Variants in SORCS2 observed in about 807,000 individuals in gnomAD.
The protein encoded by SORCS2 is sortilin related VPS10 domain containing receptor 2, also known as VPS10 domain-containing receptor SorCS2.
SORCS2 carries 100 observed loss-of-function variants against 141.6 expected under a neutral mutation model. The ratio of observed to expected loss-of-function variants is 0.71; its 90% CI spans 0.60 to 0.83. The LOEUF (loss-of-function observed/expected upper bound fraction) is 0.83, where lower values mean the gene tolerates loss of function less well. SORCS2 is among the 40% of genes least tolerant of loss of function. The pLI is 0.00. For synonymous variants in SORCS2, 789 were observed against 676.9 expected (o/e 1.17, Z -2.57); for missense variants, 1,646 against 1,560.2 (o/e 1.05, Z -0.93).
chr4:7,588,526 G>C (rs1177445721), intron 3 of SORCS2, among the ~76,000 whole-genome samples: 1 of 152,208 alleles, frequency 6.6e-6, no homozygotes, highest in Non-Finnish European at 1.5e-5. Flanking sequence ...TGAATCTGCT[G>C]AATGGCACTT....
chr4:7,427,528 C>T (rs1726533396), intron 2 of SORCS2, among the ~76,000 whole-genome samples: 1 of 152,198 alleles, frequency 6.6e-6, no homozygotes, highest in Non-Finnish European at 1.5e-5. Flanking sequence ...TTGGAGCATA[C>T]TTCCTCCTGC....
intron 4 of SORCS2, among the ~76,000 whole-genome samples, chr4:7,647,529 GC>G (rs1221281938): frequency 6.6e-6 from 1 of 152,190 alleles, no homozygotes; most frequent in Non-Finnish European, 1.5e-5. Context: ...GGCCCTGTCT[GC>G]TTTTCTTCAG....
At chr4:7,327,155 G>A (rs1012511738) in intron 1 of SORCS2, among the ~76,000 whole-genome samples, 8 of 152,342 alleles carry the variant, frequency 5.3e-5, no homozygotes, top group South Asian at 2.1e-4. Context: ...ACGTTCCACC[G>A]AGCTGGGGGC....
intron 2 of SORCS2, among the ~76,000 whole-genome samples, chr4:7,503,759 T>C (rs748320759): frequency 7.2e-5 from 11 of 152,244 alleles, no homozygotes; most frequent in South Asian, 2.1e-4. Flanking sequence ...CAGAATGATG[T>C]TCCTGCAACG....
chr4:7,445,593 G>A (rs1243277198), intron 2 of SORCS2, among the ~76,000 whole-genome samples: 1 of 152,192 alleles, frequency 6.6e-6, no homozygotes, highest in African/African-American at 2.4e-5. Context: ...GCTGGGCGCT[G>A]AAGGCAGAAC....
At chr4:7,599,997 T>C (rs1457178596) in intron 3 of SORCS2, among the ~76,000 whole-genome samples, 2 of 151,868 alleles carry the variant, frequency 1.3e-5, no homozygotes, top group Non-Finnish European at 2.9e-5. Flanking sequence ...CTAATTTTTA[T>C]ATTTAGTAGA....
intron 9 of SORCS2, among the ~76,000 whole-genome samples, chr4:7,680,805 A>G (rs575283141): frequency 8.5e-5 from 13 of 152,264 alleles, no homozygotes; most frequent in African/African-American, 2.6e-4. Context: ...CCCACATCCA[A>G]TGAAGGCAGC....
chr4:7,610,637 G>T (rs894660776), intron 3 of SORCS2, among the ~76,000 whole-genome samples: 1 of 152,202 alleles, frequency 6.6e-6, no homozygotes, highest in Non-Finnish European at 1.5e-5. Flanking sequence ...GTGGTGTGGA[G>T]GGGGCACATT....
chr4:7,558,505 G>C (rs1714295869), intron 3 of SORCS2, among the ~76,000 whole-genome samples: 1 of 152,216 alleles, frequency 6.6e-6, no homozygotes, highest in African/African-American at 2.4e-5. Flanking sequence ...TGTAACAGGG[G>C]AAGAACCTGG....
chr4:7,600,388 G>A (rs1717578977), intron 3 of SORCS2, among the ~76,000 whole-genome samples: 1 of 152,268 alleles, frequency 6.6e-6, no homozygotes, highest in Admixed American at 6.5e-5. Flanking sequence ...TGATCCACAT[G>A]CCAGGCGCTT....
chr4:7,646,231 C>A (rs189012409), intron 4 of SORCS2, among the ~76,000 whole-genome samples: 16 of 152,218 alleles, frequency 1.1e-4, no homozygotes, highest in Non-Finnish European at 2.4e-4. Context: ...GCACACGGGG[C>A]CGGCAGGCTG....
At chr4:7,490,596 G>T (rs941953902) in intron 2 of SORCS2, among the ~76,000 whole-genome samples, 10 of 152,172 alleles carry the variant, frequency 6.6e-5, no homozygotes, top group Non-Finnish European at 1.3e-4. Context: ...GGTGAGGATG[G>T]CAGACATGCA....
chr4:7,423,004 C>T (rs1267899240), intron 2 of SORCS2, among the ~76,000 whole-genome samples: 5 of 149,554 alleles, frequency 3.3e-5, no homozygotes, highest in East Asian at 2.0e-4. Context: ...CCCTACCCCC[C>T]ACCCCTCTCT....
chr4:7,619,135 C>G (rs561118553), intron 3 of SORCS2, among the ~76,000 whole-genome samples: 9 of 152,212 alleles, frequency 5.9e-5, no homozygotes, highest in Non-Finnish European at 1.3e-4. Context: ...GCTATCACCC[C>G]TCTCGAGGGT....
chr4:7,295,461 A>C (rs1458983903), intron 1 of SORCS2, among the ~76,000 whole-genome samples: 2 of 151,890 alleles, frequency 1.3e-5, no homozygotes, highest in Non-Finnish European at 2.9e-5. Flanking sequence ...CCTCGGCAAT[A>C]GGGTGGGGAG....
chr4:7,211,249 T>C (rs1728044669), intron 1 of SORCS2, among the ~76,000 whole-genome samples: 1 of 150,030 alleles, frequency 6.7e-6, no homozygotes, highest in Non-Finnish European at 1.5e-5. Context: ...GAGGGAGGCA[T>C]TGCCAGGGCG....
intron 3 of SORCS2, among the ~76,000 whole-genome samples, chr4:7,601,555 G>A (rs1416095470): frequency 7.2e-6 from 1 of 139,850 alleles, no homozygotes; most frequent in Non-Finnish European, 1.5e-5. Context: ...GGAGCCACAG[G>A]TTGCAGCGAG....
chr4:7,545,069 G>A (rs1392904617), intron 3 of SORCS2, among the ~76,000 whole-genome samples: 1 of 151,842 alleles, frequency 6.6e-6, no homozygotes, highest in Non-Finnish European at 1.5e-5. Context: ...GTGAACCCTG[G>A]AAACTTCAGC....
chr4:7,641,617 GA>G (rs1313885502), intron 4 of SORCS2, among the ~76,000 whole-genome samples: 1 of 152,170 alleles, frequency 6.6e-6, no homozygotes, highest in Non-Finnish European at 1.5e-5. Context: ...TGAGGGCAGG[GA>G]AAGTGTCTGG....
Sources: gnomAD v4.1 joint callset for allele counts (sites outside exome capture counted in the v4.1 genomes callset) on GRCh38, gnomAD v4.1.1 for gene constraint, MANE v1.5 for transcripts, NCBI Gene and HGNC (gene_info 2026-07-23, HGNC 2026-07-21) for gene names.